The following CPS1 variants were observed in gnomAD, a reference collection of about 807,000 sequenced individuals.
The protein encoded by CPS1 is carbamoyl-phosphate synthase 1.
A neutral mutation model predicts 174.6 loss-of-function variants in CPS1; 109 were observed. The ratio of observed to expected loss-of-function variants is 0.62; its 90% CI spans 0.53 to 0.73. The LOEUF is 0.73. CPS1 is among the 30% of genes least tolerant of loss of function. CPS1 has a pLI of 0.00. For missense variants in CPS1, 1,689 were observed against 1,821.9 expected (o/e 0.93, Z 1.33); for synonymous variants, 637 against 632.0 (o/e 1.01, Z -0.12).
At chr2:210,502,614 T>C (rs1366733163) in intron 1 of CPS1, among the ~76,000 whole-genome samples, 1 of 151,860 alleles carries the variant, frequency 6.6e-6, no homozygotes, top group Non-Finnish European at 1.5e-5. Context: ...TTGGAGTGGA[T>C]TTCAGGACAG....
At chr2:210,511,396 C>T (rs892074882) in intron 1 of CPS1, among the ~76,000 whole-genome samples, 2 of 151,362 alleles carry the variant, frequency 1.3e-5, no homozygotes, top group African/African-American at 4.9e-5. Context: ...GTGGGGGTAG[C>T]GGGTAGGGAG....
chr2:210,592,417 C>T lies in CPS1; in HGVS notation c.1086+448C>T, dbSNP rs57748831. ...ATTTGAGTTATTAATCAACAACTATCTCATATATTCAATGTTAGTGGGCTG... is the reference window on the plus strand; with the variant it reads ...ATTTGAGTTATTAATCAACAACTATTTCATATATTCAATGTTAGTGGGCTG... On this transcript the variant is annotated intron_variant, in intron 10 of 37. Transcript: ENST00000233072. Among the ~76,000 whole-genome samples, 4 of 151,922 alleles carry T rather than the reference C, an allele frequency of 2.6e-5. No homozygotes were observed. In the East Asian group the frequency reaches 5.8e-4, roughly 22 times the overall value.
In CPS1 at chr2:210,577,480, G is replaced by A. The variant is rs1168362903; in HGVS notation, c.441G>A (p.Lys147=). ...ACTACAACCACTGGCTGGCTACCAA[G>A]AGTTTAGGGCAATGGCTACAGGAAG... is the stretch of plus-strand genomic sequence containing the variant. ...SKDYNHWLAT[K]SLGQWLQEEK... is the part of the protein sequence containing the mutation. Residue 147 remains lysine, a synonymous_variant, in exon 4 of 38, where the codon AAG becomes AAA. Transcript: ENST00000233072. 1 of 1,613,890 alleles carries A rather than the reference G, an allele frequency of 6.2e-7. No individual in the cohort carries two copies. The highest frequency in any genetic ancestry group is 1.1e-5 in the South Asian group (1 of 91,074).
chr2:210,520,478 G>A (rs920070115), intron 1 of CPS1, among the ~76,000 whole-genome samples: 5 of 151,876 alleles, frequency 3.3e-5, no homozygotes, highest in African/African-American at 7.3e-5. Context: ...TCCACCTCAC[G>A]ATGGGCCCCA....
chr2:210,664,400 C>A (rs561828433), intron 33 of CPS1, among the ~76,000 whole-genome samples: 1 of 151,992 alleles, frequency 6.6e-6, no homozygotes, highest in South Asian at 2.1e-4. Flanking sequence ...AGTGCAACGG[C>A]ATGATCTCAG....
At chr2:210,641,136 T>G (rs944610224) in intron 24 of CPS1, among the ~76,000 whole-genome samples, 1 of 152,128 alleles carries the variant, frequency 6.6e-6, no homozygotes. Context: ...CCCCAGTTTT[T>G]TCTGAGACAA....
At chr2:210,548,123 G>C (rs997374743) in intron 1 of CPS1, among the ~76,000 whole-genome samples, 1 of 151,892 alleles carries the variant, frequency 6.6e-6, no homozygotes, top group Non-Finnish European at 1.5e-5. Flanking sequence ...TTCTTTTTCT[G>C]AGTTATATAT....
chr2:210,488,875 G>T (rs759974606), intron 1 of CPS1, among the ~76,000 whole-genome samples: 7 of 151,130 alleles, frequency 4.6e-5, no homozygotes, highest in Non-Finnish European at 2.9e-5. Flanking sequence ...ATATTATAAA[G>T]TAAAAAAAAA....
intron 1 of CPS1, among the ~76,000 whole-genome samples, chr2:210,521,744 C>G (rs1004604392): frequency 6.6e-6 from 1 of 151,884 alleles, no homozygotes; most frequent in African/African-American, 2.4e-5. Flanking sequence ...ATTTCCTTGT[C>G]AATTCTAAAA....
At chr2:210,483,718 A>T (rs1177119989) in intron 1 of CPS1, among the ~76,000 whole-genome samples, 1 of 152,200 alleles carries the variant, frequency 6.6e-6, no homozygotes. Flanking sequence ...ATATTTAGGA[A>T]CACAGTTCAA....
In CPS1 at chr2:210,648,553, ATTG is replaced by A; in HGVS notation, c.3404+16_3404+18del. The A allele has an allele frequency of 6.2e-7, 1 of 1,609,126 alleles. No individual in the cohort carries two copies. Among genetic ancestry groups the A allele is most frequent in the Non-Finnish European group, 8.5e-7 (1 of 1,175,888 alleles). On this transcript the variant is annotated intron_variant, in intron 27 of 37. Coordinates refer to ENST00000233072, the MANE Select transcript of CPS1 (RefSeq NM_001875.5). The stretch of plus-strand genomic sequence containing the variant: ...CCTATGTTTTGAGGTAACACTGTAT[ATTG>A]TTTTCCAAAACAATGATTCAAAAAT...
chr2:210,489,012 GATT>G (rs1444057289), intron 1 of CPS1, among the ~76,000 whole-genome samples: 3 of 152,072 alleles, frequency 2.0e-5, no homozygotes, highest in Non-Finnish European at 4.4e-5. Context: ...AGGTACAATA[GATT>G]ATTAAGAATT....
At chr2:210,658,801 CT>C (rs1251493392) in intron 31 of CPS1, 113 bp downstream of exon 31, 8 of 775,962 alleles carry the variant, frequency 1.0e-5, no homozygotes, top group Non-Finnish European at 1.8e-5. Flanking sequence ...ACTGAGACCC[CT>C]GGATCTGTTT....
At chr2:210,587,792 A>G (rs753863013) in intron 6 of CPS1, among the ~76,000 whole-genome samples, 5 of 152,116 alleles carry the variant, frequency 3.3e-5, no homozygotes, top group Non-Finnish European at 7.4e-5. Flanking sequence ...TATGCATGCA[A>G]CCAGTTTCTT....
chr2:210,583,968 G>A (rs1390371529), intron 6 of CPS1, among the ~76,000 whole-genome samples: 2 of 152,110 alleles, frequency 1.3e-5, no homozygotes, highest in Non-Finnish European at 2.9e-5. Context: ...GGGGCTGAAT[G>A]AGGTCAGGTA....
At chr2:210,653,841 A>G (rs140448607) in intron 28 of CPS1, among the ~76,000 whole-genome samples, 184 bp from the exon 29 acceptor site, 188 of 152,298 alleles carry the variant, frequency 1.2e-3, no homozygotes, top group African/African-American at 4.2e-3. Context: ...CTGCCTCACT[A>G]CAAGCAAAGA....
intron 21 of CPS1, among the ~76,000 whole-genome samples, chr2:210,628,558 T>G (rs1443059992): frequency 6.6e-6 from 1 of 152,184 alleles, no homozygotes. Context: ...TGTTAAGTTT[T>G]TAGGAGGCTG....
intron 4 of CPS1, 95 bp from the exon 5 acceptor site, chr2:210,579,619 C>A: frequency 1.1e-6 from 1 of 927,782 alleles, no homozygotes; most frequent in South Asian, 1.3e-5. Context: ...ATTTACTGCT[C>A]AAGAAGATAG....
In CPS1 at chr2:210,677,928, G is replaced by A; in HGVS notation, c.4446G>A (p.Lys1482=). The A allele has an allele frequency of 6.2e-7, 1 of 1,614,084 alleles. No homozygotes were observed. Among genetic ancestry groups the A allele is most frequent in the Non-Finnish European group, 8.5e-7 (1 of 1,179,998 alleles). Residue 1482 remains lysine (K), a synonymous_variant, in exon 38 of 38, where the codon AAG becomes AAA. Coordinates refer to ENST00000233072, the MANE Select transcript of CPS1 (RefSeq NM_001875.5). Reference sequence around the variant, plus strand: ...CTGAAGCTGTGCAGAAATCTCGCAAGGTGGACTCCAAGAGTCTTTTCCACT... The same window carrying A: ...CTGAAGCTGTGCAGAAATCTCGCAAAGTGGACTCCAAGAGTCTTTTCCACT... ...LFAEAVQKSR[K]VDSKSLFHYR... is the part of the protein sequence containing the mutation.
Sources: allele counts gnomAD v4.1 joint callset (sites outside exome capture counted in the v4.1 genomes callset), GRCh38; gene constraint gnomAD v4.1.1; transcripts MANE v1.5; gene names NCBI Gene and HGNC (gene_info 2026-07-23, HGNC 2026-07-21).